Variants in HMCN2 observed in about 807,000 individuals in gnomAD.
HMCN2 encodes hemicentin 2.
A neutral mutation model predicts 377.5 loss-of-function variants in HMCN2; 325 were observed. That is an observed-to-expected ratio of 0.86 (90% confidence interval 0.79 to 0.94). The LOEUF (loss-of-function observed/expected upper bound fraction) is 0.94, where lower values mean the gene tolerates loss of function less well. Ranked by LOEUF, HMCN2 falls within the 40% of genes least tolerant of loss-of-function variation. The pLI, the probability that HMCN2 is intolerant of heterozygous loss-of-function variation, is 0.00. For synonymous variants in HMCN2, 2,007 were observed against 2,046.8 expected, an observed-to-expected ratio of 0.98 and a Z score of 0.53; for missense variants, 4,543 against 4,725.3, an observed-to-expected ratio of 0.96 and a Z score of 1.13.
chr9:130,366,666 C>T (rs1840705091), intron 43 of HMCN2, among the ~76,000 whole-genome samples: 1 of 151,970 alleles, frequency 6.6e-6, no homozygotes, highest in Middle Eastern at 3.2e-3. Flanking sequence ...GTTGGCCAGG[C>T]TGGTCTCGAA....
Position 130,351,722 on chromosome 9 carries a change from G to A in HMCN2, c.4585+145G>A. On this transcript the variant is annotated intron_variant, in intron 30 of 97. Coordinates refer to ENST00000683500, the MANE Select transcript of HMCN2 (RefSeq NM_001291815.2). This position sits in a 1 kb window ranked among gnomAD's most constrained non-coding sequence, Gnocchi z 5.4. ...GAGTCCAAGAAAGCTGGGGGCTGGGGTCGGGGTTGGGGTCAGGGTCAGGGG... is the reference window on the plus strand; with the variant it reads ...GAGTCCAAGAAAGCTGGGGGCTGGGATCGGGGTTGGGGTCAGGGTCAGGGG... 1.7e-6 allele frequency: 1 copy of A among 592,376 alleles called. No individual in the cohort carries two copies. The highest frequency in any genetic ancestry group is 2.5e-6 in the Non-Finnish European group (1 of 407,280). The allele number at this position is 592,376 out of a possible 1,614,324, so 36.7% of individuals were successfully genotyped here.
chr9:130,420,316 C>G (rs1261907151), intron 86 of HMCN2, among the ~76,000 whole-genome samples: 4 of 151,978 alleles, frequency 2.6e-5, no homozygotes, highest in African/African-American at 7.2e-5. Context: ...CCTCGTGATC[C>G]GCCCATCTCG....
At position 130,396,432 on chromosome 9, in the gene HMCN2, G is replaced by C. The variant is rs115491147; in HGVS notation, c.11198+119G>C. The C allele has an allele frequency of 7.2e-4, 585 of 809,134 alleles. 5 individuals are homozygous for C. The African/African-American group carries it at 9.9e-3, about 14-fold the overall frequency. 50.1% of individuals were successfully genotyped at this position (809,134 alleles called of 1,614,324 possible). ...TGACTTTATCATCAGGACGTGGGGTGTCTCAGAACACAAGGACAGGCCCAC... is the reference window on the plus strand; with the variant it reads ...TGACTTTATCATCAGGACGTGGGGTCTCTCAGAACACAAGGACAGGCCCAC... On this transcript the variant is annotated intron_variant, in intron 73 of 97. Transcript: ENST00000683500.
chr9:130,359,400 G>A lies in HMCN2; in HGVS notation c.5759G>A (p.Gly1920Asp). 2 of 1,302,296 alleles carry A rather than the reference G, an allele frequency of 1.5e-6. No homozygotes were observed. Among genetic ancestry groups the A allele is most frequent in the Non-Finnish European group, 2.0e-6 (2 of 987,380 alleles). 80.7% of individuals were successfully genotyped at this position (1,302,296 alleles called of 1,614,324 possible). Residue 1920 changes from glycine (G) to aspartate (D), a missense_variant, in exon 37 of 98, where the codon GGC becomes GAC. By Grantham distance (94) the Gly-to-Asp change is moderately conservative (BLOSUM62 -1). Around this residue, in one of 5 missense-constraint regions of HMCN2, gnomAD observed 1,032 missense variants for 1,285.1 expected, o/e 0.80. Coordinates refer to ENST00000683500, the MANE Select transcript of HMCN2 (RefSeq NM_001291815.2). ...GTGACCTTGGAGTGTCTGGCTTCGG[G>A]CGTGCCCCCTCCTGGTAAGACCCCT... Reference protein sequence around the residue: ...ASVTLECLASGVPPPDVSWFK... With the variant: ...ASVTLECLASDVPPPDVSWFK...
At position 130,392,031 on chromosome 9, in the gene HMCN2, C is replaced by G. The variant is rs564948888; in HGVS notation, c.10049C>G (p.Pro3350Arg). Residue 3350 changes from proline (P) to arginine (R), a missense_variant, in exon 66 of 98, where the codon CCG becomes CGG. This residue lies in a region of HMCN2 where 1,073 missense variants were observed against 1,319.5 expected (regional missense o/e 0.81). Transcript: ENST00000683500. ...ATGGTGTGCCCTGTGCGGGGCTCCC[C>G]GCCCATCCACGTGAGCTGGCTCAAG... ...VTMVCPVRGSPPIHVSWLKDG... is the reference protein window; with the variant it reads ...VTMVCPVRGSRPIHVSWLKDG... 3.0e-6 allele frequency: 3 copies of G among 988,260 alleles called. No individual in the cohort carries two copies. Among genetic ancestry groups the G allele is most frequent in the Non-Finnish European group, 3.6e-6 (3 of 830,394 alleles). The allele number at this position is 988,260 out of a possible 1,614,324, so 61.2% of individuals were successfully genotyped here.
At chr9:130,412,132 C>T (rs554142416) in intron 85 of HMCN2, among the ~76,000 whole-genome samples, 29 of 152,244 alleles carry the variant, frequency 1.9e-4, no homozygotes, top group Middle Eastern at 6.8e-3. Flanking sequence ...CCACCACACC[C>T]GGCTAATTTT....
intron 1 of HMCN2, among the ~76,000 whole-genome samples, chr9:130,283,848 A>G (rs1835272794): frequency 6.6e-6 from 1 of 152,174 alleles, no homozygotes; most frequent in Admixed American, 6.5e-5. Flanking sequence ...CCAGTGTTGG[A>G]CTATTGTGAA....
At chr9:130,378,928 G>T (rs565871676) in intron 53 of HMCN2, among the ~76,000 whole-genome samples, 17 of 152,256 alleles carry the variant, frequency 1.1e-4, no homozygotes, top group African/African-American at 4.1e-4. Context: ...GTGCCTCTAT[G>T]CTCTGATAGA....
Position 130,419,093 on chromosome 9 carries a change from C to T in HMCN2, c.13231+52C>T, listed in dbSNP as rs552982582. ...CGTGGACAGAGGCAGGATCTCTTGCCGATGGGGATTGTGTGGTGCTTATGG... is the reference window on the plus strand; with the variant it reads ...CGTGGACAGAGGCAGGATCTCTTGCTGATGGGGATTGTGTGGTGCTTATGG... On this transcript the variant is annotated intron_variant, in intron 86 of 97. Coordinates refer to ENST00000683500, the MANE Select transcript of HMCN2 (RefSeq NM_001291815.2). 124 of 1,438,762 alleles carry T rather than the reference C, an allele frequency of 8.6e-5. No individual in the cohort carries two copies. In the Admixed American group the frequency reaches 1.2e-3, roughly 14 times the overall value. The allele number at this position is 1,438,762 out of a possible 1,614,324, so 89.1% of individuals were successfully genotyped here.
Position 130,422,602 on chromosome 9 carries a change from C to T in HMCN2, c.13257C>T (p.Ser4419=). ...VRGEPQGSWG[S]MTGVINGRKF... is the part of the protein sequence containing the mutation. ...GGGAGCCCCAGGGGAGCTGGGGCAG[C>T]ATGACTGGGGTGATAAATGGCCGGA... Residue 4419 remains serine (S), a synonymous_variant, in exon 87 of 98, where the codon AGC becomes AGT. Transcript: ENST00000683500. This position sits in a 1 kb window ranked among gnomAD's most constrained non-coding sequence, Gnocchi z 4.2. 7.6e-7 allele frequency: 1 copy of T among 1,324,074 alleles called. No homozygotes were observed. Among genetic ancestry groups the T allele is most frequent in the Non-Finnish European group, 9.7e-7 (1 of 1,031,126 alleles). The allele number at this position is 1,324,074 out of a possible 1,614,324, so 82.0% of individuals were successfully genotyped here. A position where few individuals can be genotyped will look rare whatever the true frequency, so the allele number is the denominator to read the frequency against.
rs1272767417 is a variant in HMCN2, at chr9:130,428,393, C to A, written c.14101C>A (p.Arg4701=). 1 of 1,548,088 alleles carries A rather than the reference C, an allele frequency of 6.5e-7. No individual in the cohort carries two copies. The change falls in exon 93 of 98, where the codon CGA becomes AGA. Residue 4701 remains arginine (R), a synonymous_variant. Transcript: ENST00000683500. This position sits in a 1 kb window ranked among gnomAD's most constrained non-coding sequence, Gnocchi z 5.0. The part of the protein sequence containing the change: ...DECAWDAHLC[R]EGQRCVNLLG... ...GTGTGCGTGGGATGCTCACCTCTGC[C>A]GAGAGGGACAGCGCTGTGTGAACCT...
At chr9:130,399,918 A>G (rs1175424432) in intron 76 of HMCN2, among the ~76,000 whole-genome samples, 3 of 151,852 alleles carry the variant, frequency 2.0e-5, no homozygotes, top group African/African-American at 7.3e-5. Flanking sequence ...CCCTCCCTCC[A>G]CAGCTGCCCG....
intron 83 of HMCN2, among the ~76,000 whole-genome samples, chr9:130,408,282 A>G (rs187386117): frequency 3.7e-4 from 57 of 152,356 alleles, no homozygotes; most frequent in African/African-American, 1.3e-3. Context: ...AGAGCATCGA[A>G]GAGTGTTTTG....
At chr9:130,316,029 G>A (rs1020928024) in intron 15 of HMCN2, among the ~76,000 whole-genome samples, 9 of 152,180 alleles carry the variant, frequency 5.9e-5, no homozygotes, top group Non-Finnish European at 8.8e-5. Context: ...GCTCAGGCAG[G>A]CAAAGCCACG....
chr9:130,396,981 G>A (rs1449679282), intron 73 of HMCN2, among the ~76,000 whole-genome samples: 2 of 152,228 alleles, frequency 1.3e-5, no homozygotes, highest in Non-Finnish European at 2.9e-5. Flanking sequence ...TTGGGCTGTG[G>A]GGAGCTGCTC....
At chr9:130,330,907 A>G (rs1838389232) in intron 22 of HMCN2, among the ~76,000 whole-genome samples, 1 of 151,728 alleles carries the variant, frequency 6.6e-6, no homozygotes, top group Non-Finnish European at 1.5e-5. Context: ...AGGAAGGCGG[A>G]TCACGAGGTC....
chr9:130,412,828 C>G (rs117929661), intron 85 of HMCN2, among the ~76,000 whole-genome samples: 2,672 of 152,248 alleles, frequency 0.018, 34 homozygotes, highest in East Asian at 0.064. Flanking sequence ...CCACCTGCCT[C>G]GGCCTCCTAA....
chr9:130,267,505 CAGAGTGTTCTTGTGCTGA>C (rs782133660), intron 1 of HMCN2, among the ~76,000 whole-genome samples: 1 of 151,564 alleles, frequency 6.6e-6, no homozygotes, highest in Non-Finnish European at 1.5e-5. Flanking sequence ...AATTGTACTG[CAGAGTGTTCTTGTGCTGA>C]AGAAATAGAC....
intron 86 of HMCN2, chr9:130,419,548 C>G (rs1843873756): frequency 6.6e-6 from 1 of 152,638 alleles, no homozygotes; most frequent in Non-Finnish European, 1.5e-5. Context: ...AAAGATCTAT[C>G]CTGAGAAACC....
Sources: gnomAD v4.1 joint callset for allele counts (sites outside exome capture counted in the v4.1 genomes callset) on GRCh38, gnomAD v4.1.1 for gene constraint, gnomAD v4.1.1 regional missense constraint, Gnocchi (gnomAD v3.1) non-coding constraint, MANE v1.5 for transcripts, NCBI Gene and HGNC (gene_info 2026-07-23, HGNC 2026-07-21) for gene names.